RBPMS2: variants seen among roughly 807,000 people sequenced by gnomAD.
The protein encoded by RBPMS2 is RNA binding protein, mRNA processing factor 2.
In RBPMS2, 14 loss-of-function variants were observed where a neutral mutation model predicts 25.7. The observed-to-expected ratio is 0.55, with a 90% CI of 0.36 to 0.85. The LOEUF is 0.85. Ranked by LOEUF, RBPMS2 falls within the 40% of genes least tolerant of loss-of-function variation. The pLI is 0.01. For synonymous variants in RBPMS2, 127 were observed against 115.6 expected, an observed-to-expected ratio of 1.10 and a Z score of -0.63; for missense variants, 252 against 283.4, an observed-to-expected ratio of 0.89 and a Z score of 0.80.
At chr15:64,747,135 C>T (rs1036874888) in intron 6 of RBPMS2, among the ~76,000 whole-genome samples, 7 of 152,150 alleles carry the variant, frequency 4.6e-5, no homozygotes, top group African/African-American at 1.7e-4. Context: ...GGGAAGAGCG[C>T]CAGGGTTAAC....
chr15:64,772,891 C>T (rs1401835678), intron 1 of RBPMS2, among the ~76,000 whole-genome samples: 2 of 152,114 alleles, frequency 1.3e-5, no homozygotes, highest in East Asian at 1.9e-4. Context: ...AAACTTAATG[C>T]GTATGACATG....
At chr15:64,746,314 A>G (rs144896758) in intron 6 of RBPMS2, among the ~76,000 whole-genome samples, 1 of 152,318 alleles carries the variant, frequency 6.6e-6, no homozygotes, top group African/African-American at 2.4e-5. Flanking sequence ...GCAGGAACTC[A>G]GGCACAAAGA....
At chr15:64,774,862 C>G (rs1595798621) in intron 1 of RBPMS2, among the ~76,000 whole-genome samples, 1 of 151,518 alleles carries the variant, frequency 6.6e-6, no homozygotes, top group African/African-American at 2.4e-5. Context: ...GTCCTGGCCA[C>G]GCAGGAGGTG....
intron 1 of RBPMS2, among the ~76,000 whole-genome samples, chr15:64,756,786 G>A (rs1225227252): frequency 7.0e-6 from 1 of 143,142 alleles, no homozygotes; most frequent in Non-Finnish European, 1.5e-5. Flanking sequence ...AATTACAGGC[G>A]TCTGCCACCA....
At chr15:64,757,255 G>A (rs933806132) in intron 1 of RBPMS2, among the ~76,000 whole-genome samples, 1 of 152,046 alleles carries the variant, frequency 6.6e-6, no homozygotes, top group Non-Finnish European at 1.5e-5. Context: ...TTACAGGTAT[G>A]AGCCACCATG....
chr15:64,758,222 T>C (rs753757507), intron 1 of RBPMS2, among the ~76,000 whole-genome samples: 10 of 152,200 alleles, frequency 6.6e-5, no homozygotes, highest in Non-Finnish European at 1.3e-4. Flanking sequence ...TTTTCCATAC[T>C]CTCATCCCTT....
chr15:64,746,648 G>T (rs879847031), intron 6 of RBPMS2, among the ~76,000 whole-genome samples: 4 of 152,210 alleles, frequency 2.6e-5, no homozygotes, highest in Non-Finnish European at 5.9e-5. Flanking sequence ...GGAGCTCAGG[G>T]CCAGAGAGCA....
At chr15:64,772,673 C>G (rs926035823) in intron 1 of RBPMS2, among the ~76,000 whole-genome samples, 4 of 152,128 alleles carry the variant, frequency 2.6e-5, no homozygotes, top group Admixed American at 1.3e-4. Flanking sequence ...CTTTTCCACC[C>G]CCACAGGTCT....
intron 6 of RBPMS2, among the ~76,000 whole-genome samples, chr15:64,745,147 A>C (rs1246723574): frequency 6.6e-6 from 1 of 152,110 alleles, no homozygotes; most frequent in African/African-American, 2.4e-5. Context: ...TTAAATATGT[A>C]TTGCAGTTTT....
chr15:64,749,444 T>G lies in RBPMS2; in HGVS notation c.254A>C (p.Lys85Thr), dbSNP rs1369249003. 1 of 1,613,602 alleles carries G rather than the reference T, an allele frequency of 6.2e-7. No individual in the cohort carries two copies. Among genetic ancestry groups the G allele is most frequent in the South Asian group, 1.1e-5 (1 of 91,024 alleles). The change falls in exon 4 of 8, where the codon AAG becomes ACG. Residue 85 changes from lysine to threonine, a missense_variant. Coordinates refer to ENST00000300069, the MANE Select transcript of RBPMS2 (RefSeq NM_194272.3). ...CCACCTACTCACGTTCAGCGCATTCTTGGCCGCTTCTGCTCCTGCACGGCT... is the reference window on the plus strand; with the variant it reads ...CCACCTACTCACGTTCAGCGCATTCGTGGCCGCTTCTGCTCCTGCACGGCT... ...FDSRAGAEAA[K>T]NALNGIRFDP...
intron 1 of RBPMS2, chr15:64,762,348 G>A (rs779594092): frequency 6.1e-5 from 24 of 392,824 alleles, no homozygotes; most frequent in Non-Finnish European, 5.0e-5. Context: ...TAGCTATGGG[G>A]AGGTTGGGGA....
intron 1 of RBPMS2, among the ~76,000 whole-genome samples, chr15:64,769,401 GC>G (rs1392073898): frequency 1.4e-5 from 2 of 138,936 alleles, no homozygotes; most frequent in African/African-American, 5.3e-5. Flanking sequence ...TCCAGCCTGG[GC>G]AACAAGAGCG....
At chr15:64,752,819 T>C (rs1460465944) in intron 1 of RBPMS2, among the ~76,000 whole-genome samples, 2 of 152,072 alleles carry the variant, frequency 1.3e-5, no homozygotes, top group Non-Finnish European at 2.9e-5. Flanking sequence ...ACCACATTGG[T>C]CACGCTGGTC....
At chr15:64,773,832 T>C (rs1253846612) in intron 1 of RBPMS2, among the ~76,000 whole-genome samples, 1 of 152,090 alleles carries the variant, frequency 6.6e-6, no homozygotes, top group East Asian at 1.9e-4. Flanking sequence ...TCAAGGGAGA[T>C]TCTAACAGCC....
intron 1 of RBPMS2, among the ~76,000 whole-genome samples, chr15:64,766,340 G>A (rs114661394): frequency 1.3e-5 from 2 of 152,126 alleles, no homozygotes; most frequent in Non-Finnish European, 2.9e-5. Context: ...CTTCAGGAAG[G>A]GAGGGCCCAA....
chr15:64,751,542 C>A lies in RBPMS2; in HGVS notation c.165+19G>T, dbSNP rs773707354. The A allele has an allele frequency of 1.2e-6, 2 of 1,609,468 alleles. No homozygotes were observed. Among genetic ancestry groups the A allele is most frequent in the African/African-American group, 1.3e-5 (1 of 74,766 alleles). ...AGGGTCCCAGGCTCTACCCAGGGGGCGGCTGGGTCCTGACTCACCTTGAAC... is the reference window on the plus strand; with the variant it reads ...AGGGTCCCAGGCTCTACCCAGGGGGAGGCTGGGTCCTGACTCACCTTGAAC... On this transcript the variant is annotated intron_variant, in intron 2 of 7. Transcript: ENST00000300069.
In RBPMS2 at chr15:64,775,580, C is replaced by T. The variant is rs1356802366; in HGVS notation, c.-261G>A. 8.2e-5 allele frequency: 2 copies of T among 24,368 alleles called. No individual in the cohort carries two copies. The highest frequency in any genetic ancestry group is 2.1e-3 in the African/African-American group (2 of 952). The allele number at this position is 24,368 out of a possible 1,614,324, so 1.5% of individuals were successfully genotyped here. A position where few individuals can be genotyped will look rare whatever the true frequency, so the allele number is the denominator to read the frequency against. ...GCCGCCTCCGCCTTTTCACTGCGACCGGCGAGTGCGCCGCGGCGGCGGCGG... is the reference window on the plus strand; with the variant it reads ...GCCGCCTCCGCCTTTTCACTGCGACTGGCGAGTGCGCCGCGGCGGCGGCGG... On this transcript the variant is annotated 5_prime_UTR_variant, in exon 1 of 8. Transcript: ENST00000300069.
rs534710488 is a variant in RBPMS2, at chr15:64,775,554, C to T, written c.-235G>A. The T allele has an allele frequency of 4.8e-3, 987 of 206,458 alleles. 18 individuals carry two copies. Among genetic ancestry groups the T allele is most frequent in the African/African-American group, 0.024 (910 of 38,512 alleles). The allele number at this position is 206,458 out of a possible 1,614,324, so 12.8% of individuals were successfully genotyped here. A position where few individuals can be genotyped will look rare whatever the true frequency, so the allele number is the denominator to read the frequency against. ...GGGAGGCAGTGGGAGCCGGAGGGGC[C>T]GCCGCCTCCGCCTTTTCACTGCGAC... is the stretch of plus-strand genomic sequence containing the variant. On this transcript the variant is annotated 5_prime_UTR_variant, in exon 1 of 8. Coordinates refer to ENST00000300069, the MANE Select transcript of RBPMS2 (RefSeq NM_194272.3).
At position 64,749,021 on chromosome 15, in the gene RBPMS2, G is replaced by A; in HGVS notation, c.397C>T (p.His133Tyr). 6.2e-7 allele frequency: 1 copy of A among 1,614,244 alleles called. No individual in the cohort carries two copies. The highest frequency in any genetic ancestry group is 8.5e-7 in the Non-Finnish European group (1 of 1,180,044). Reference sequence around the variant, plus strand: ...TCACAGGGGTCCCGTGCGATGAAGTGTGCTCCTAGGGCGGGGTGCACGTTG... The same window carrying A: ...TCACAGGGGTCCCGTGCGATGAAGTATGCTCCTAGGGCGGGGTGCACGTTG... ...PSNVHPALGAHFIARDPYDLM... is the reference protein window; with the variant it reads ...PSNVHPALGAYFIARDPYDLM... The change falls in exon 5 of 8, where the codon CAC becomes TAC. Residue 133 changes from histidine (H) to tyrosine (Y), a missense_variant. Physicochemically the swap from His to Tyr is moderately conservative, Grantham distance 83. Transcript: ENST00000300069.
Sources: allele counts gnomAD v4.1 joint callset (sites outside exome capture counted in the v4.1 genomes callset), GRCh38; gene constraint gnomAD v4.1.1; transcripts MANE v1.5; gene names NCBI Gene and HGNC (gene_info 2026-07-23, HGNC 2026-07-21).